BABAM2: variants seen among roughly 807,000 people sequenced by gnomAD.
BABAM2 encodes the protein BRISC and BRCA1-A complex member 2.
BABAM2 carries 31 observed loss-of-function variants against 54.7 expected under a neutral mutation model. The observed-to-expected ratio is 0.57, with a 90% CI of 0.43 to 0.77. The LOEUF is 0.77. Ranked by LOEUF, BABAM2 falls within the 30% of genes least tolerant of loss-of-function variation. The pLI, the probability that BABAM2 is intolerant of heterozygous loss-of-function variation, is 0.00. For synonymous variants in BABAM2, 167 were observed against 162.9 expected, an observed-to-expected ratio of 1.03 and a Z score of -0.19; for missense variants, 364 against 455.8, an observed-to-expected ratio of 0.80 and a Z score of 1.83.
chr2:28,211,386 C>CTTTTTTTTTTTTTT (rs770284745), intron 7 of BABAM2, among the ~76,000 whole-genome samples: 12 of 96,896 alleles, frequency 1.2e-4, no homozygotes, highest in South Asian at 4.0e-4. Flanking sequence ...TCCTTATTAT[C>CTTTTTTTTTTTTTT]TTTTTTTTTT....
chr2:28,256,371 A>G (rs1683975704), intron 10 of BABAM2, among the ~76,000 whole-genome samples: 1 of 152,224 alleles, frequency 6.6e-6, no homozygotes, highest in Admixed American at 6.5e-5. Flanking sequence ...ATTGTTGCCT[A>G]TATTCATAAT....
At chr2:28,148,819 C>T (rs184749549) in intron 7 of BABAM2, among the ~76,000 whole-genome samples, 1 of 152,210 alleles carries the variant, frequency 6.6e-6, no homozygotes, top group Non-Finnish European at 1.5e-5. Context: ...CATCCCAGAG[C>T]CAGGAGAGCT....
chr2:27,949,577 C>T (rs1056351312), intron 3 of BABAM2, among the ~76,000 whole-genome samples: 3 of 151,920 alleles, frequency 2.0e-5, no homozygotes, highest in African/African-American at 7.3e-5. Flanking sequence ...ACAGGGCATC[C>T]AGTGAATTCA....
chr2:28,230,037 TCC>T (rs1050361476), intron 7 of BABAM2, among the ~76,000 whole-genome samples: 1 of 152,214 alleles, frequency 6.6e-6, no homozygotes, highest in Non-Finnish European at 1.5e-5. Context: ...TTTTTATATG[TCC>T]CTTTAAAAGT....
intron 6 of BABAM2, among the ~76,000 whole-genome samples, chr2:28,087,552 G>A (rs74574334): frequency 6.6e-6 from 1 of 152,152 alleles, no homozygotes; most frequent in East Asian, 1.9e-4. Flanking sequence ...GGTTCTCACC[G>A]TTTTGCAAGC....
At chr2:28,333,147 A>G (rs1691112964) in intron 11 of BABAM2, among the ~76,000 whole-genome samples, 1 of 152,062 alleles carries the variant, frequency 6.6e-6, no homozygotes, top group Admixed American at 6.6e-5. Flanking sequence ...GCCAGGTACC[A>G]TGCCAAGCGC....
rs1293774662 is a variant in BABAM2 at position 28,304,669 on chromosome 2, A to AGGT, written c.1088+6179_1088+6181dup. 1.3e-5 allele frequency among the ~76,000 whole-genome samples: 2 copies of AGGT among 152,012 alleles called. No individual in the cohort carries two copies. Among genetic ancestry groups the AGGT allele is most frequent in the Admixed American group, 6.6e-5 (1 of 15,258 alleles). ...TTGGCTCACTGCAACCTCACCTCCC[A>AGGT]GGTTCTAGCAATTCTCCTGCTTCAG... is the stretch of plus-strand genomic sequence containing the variant. On this transcript the variant is annotated intron_variant, in intron 11 of 11. Transcript: ENST00000379624. The surrounding 1 kb of genome is among the most constrained non-coding windows in gnomAD (Gnocchi z 4.0).
At chr2:27,921,993 C>A (rs1433979293) in intron 2 of BABAM2, among the ~76,000 whole-genome samples, 2 of 152,202 alleles carry the variant, frequency 1.3e-5, no homozygotes, top group Non-Finnish European at 2.9e-5. Flanking sequence ...TTCAGCAAAC[C>A]TTTATCCTCC....
intron 2 of BABAM2, 96 bp downstream of exon 2, chr2:27,894,780 C>T (rs1278847134): frequency 1.4e-6 from 2 of 1,401,188 alleles, no homozygotes; most frequent in Non-Finnish European, 2.0e-6. Flanking sequence ...AATTGACTGC[C>T]ACAGAAACCC....
At chr2:28,056,572 C>T (rs1230924859) in intron 6 of BABAM2, among the ~76,000 whole-genome samples, 1 of 151,886 alleles carries the variant, frequency 6.6e-6, no homozygotes, top group Non-Finnish European at 1.5e-5. Flanking sequence ...GCTACCCTGT[C>T]CCCATTTATA....
chr2:27,964,956 A>G (rs764492437), intron 3 of BABAM2, among the ~76,000 whole-genome samples: 7 of 152,180 alleles, frequency 4.6e-5, no homozygotes, highest in Non-Finnish European at 1.5e-5. Flanking sequence ...TGCTTTGGGA[A>G]ATAATGAGGT....
intron 9 of BABAM2, among the ~76,000 whole-genome samples, chr2:28,241,866 T>C (rs1049202181): frequency 1.9e-3 from 3 of 1,558 alleles, no homozygotes; most frequent in Non-Finnish European, 0.011. Flanking sequence ...CAGGATCCCT[T>C]TTTTTTTTTT....
At position 28,327,351 on chromosome 2, in the gene BABAM2, A is replaced by G; in HGVS notation, c.1089-11099A>G. 3 of 1,613,892 alleles carry G rather than the reference A, an allele frequency of 1.9e-6. No individual in the cohort carries two copies. In the South Asian group the frequency reaches 3.3e-5, roughly 18 times the overall value. On this transcript the variant is annotated intron_variant, in intron 11 of 11. Coordinates refer to ENST00000379624, the MANE Select transcript of BABAM2 (RefSeq NM_199191.3). ...TTTGCAGTTGCAAAAACTGGCTGCAAGCTGCTCCAGCCCCAGAGGAACTGG... is the reference window on the plus strand; with the variant it reads ...TTTGCAGTTGCAAAAACTGGCTGCAGGCTGCTCCAGCCCCAGAGGAACTGG...
intron 7 of BABAM2, among the ~76,000 whole-genome samples, chr2:28,131,469 G>A (rs932435274): frequency 6.6e-6 from 1 of 152,128 alleles, no homozygotes; most frequent in African/African-American, 2.4e-5. Flanking sequence ...TAAGGCAAGG[G>A]CTCTGAGTCA....
intron 7 of BABAM2, among the ~76,000 whole-genome samples, chr2:28,160,957 A>G (rs960945949): frequency 6.6e-6 from 1 of 152,114 alleles, no homozygotes; most frequent in African/African-American, 2.4e-5. Flanking sequence ...ATTTATTCAA[A>G]TTTTCTGGAG....
intron 7 of BABAM2, among the ~76,000 whole-genome samples, chr2:28,176,590 A>AAAAAAAAAC (rs1375330409): frequency 6.9e-6 from 1 of 145,492 alleles, no homozygotes; most frequent in Non-Finnish European, 1.5e-5. Flanking sequence ...AAAAAAAAAA[A>AAAAAAAAAC]AAAAAACCTC....
intron 7 of BABAM2, among the ~76,000 whole-genome samples, chr2:28,190,387 T>C (rs1676767645): frequency 6.6e-6 from 1 of 152,082 alleles, no homozygotes. Flanking sequence ...CCCTGTAGTC[T>C]CTTTTAAAAG....
At chr2:27,990,336 T>C (rs893974177) in intron 4 of BABAM2, among the ~76,000 whole-genome samples, 1 of 152,224 alleles carries the variant, frequency 6.6e-6, no homozygotes, top group African/African-American at 2.4e-5. Context: ...TCTCTGAGTG[T>C]AGCTTGTCTC....
At chr2:28,121,541 A>AAT (rs1301527341) in intron 6 of BABAM2, among the ~76,000 whole-genome samples, 2 of 152,148 alleles carry the variant, frequency 1.3e-5, no homozygotes, top group African/African-American at 4.8e-5. Flanking sequence ...TGTATATGCT[A>AAT]ATATATAACA....
Sources: gnomAD v4.1 joint callset for allele counts (sites outside exome capture counted in the v4.1 genomes callset) on GRCh38, gnomAD v4.1.1 for gene constraint, Gnocchi (gnomAD v3.1) non-coding constraint, MANE v1.5 for transcripts, NCBI Gene and HGNC (gene_info 2026-07-23, HGNC 2026-07-21) for gene names.